Variants in PRKCQ observed in about 807,000 individuals in gnomAD.
PRKCQ encodes the protein protein kinase C theta type.
PRKCQ carries 41 observed loss-of-function variants against 91.2 expected under a neutral mutation model. The ratio of observed to expected loss-of-function variants is 0.45; its 90% CI spans 0.35 to 0.58. The LOEUF (loss-of-function observed/expected upper bound fraction) is 0.58, where lower values mean the gene tolerates loss of function less well. PRKCQ is among the 20% of genes least tolerant of loss of function. The pLI is 0.00. For missense variants in PRKCQ, 673 were observed against 896.5 expected (o/e 0.75, Z 3.18); for synonymous variants, 307 against 316.9 (o/e 0.97, Z 0.33).
Position 6,550,550 on chromosome 10 carries a change from G to A in PRKCQ, c.-10+29661C>T, listed in dbSNP as rs7101162. Among the ~76,000 whole-genome samples the A allele has an allele frequency of 4.1e-3, 622 of 152,304 alleles. 1 individual carries two copies. Among genetic ancestry groups the A allele is most frequent in the African/African-American group, 0.014 (587 of 41,566 alleles). On this transcript the variant is annotated intron_variant, in intron 1 of 17. Transcript: ENST00000263125. ...CAGCCTCCCAAAGTGCTGGGATTAT[G>A]GGCATGAACCACTGTGCCCAGCCTC...
At chr10:6,446,038 G>A (rs911857674) in intron 15 of PRKCQ, among the ~76,000 whole-genome samples, 6 of 152,200 alleles carry the variant, frequency 3.9e-5, no homozygotes, top group Non-Finnish European at 8.8e-5. Context: ...TTTTACCTTA[G>A]GAGGAAGAAG....
intron 1 of PRKCQ, chr10:6,515,414 T>G (rs1838711642): frequency 1.0e-6 from 1 of 985,330 alleles, no homozygotes; most frequent in Non-Finnish European, 1.2e-6. Context: ...TTAGTTCCAT[T>G]CAACCTAATG....
At chr10:6,454,777 G>A (rs142318925) in intron 15 of PRKCQ, among the ~76,000 whole-genome samples, 18 of 152,204 alleles carry the variant, frequency 1.2e-4, no homozygotes, top group South Asian at 8.3e-4. Flanking sequence ...ACTCTACAGC[G>A]AAGACCACAG....
intron 12 of PRKCQ, among the ~76,000 whole-genome samples, chr10:6,472,786 C>T (rs1374549290): frequency 6.6e-6 from 1 of 152,178 alleles, no homozygotes; most frequent in Non-Finnish European, 1.5e-5. Context: ...GGTCTCAGCT[C>T]ACTGCAACCT....
At chr10:6,568,757 C>T (rs1406388842) in intron 1 of PRKCQ, among the ~76,000 whole-genome samples, 3 of 152,098 alleles carry the variant, frequency 2.0e-5, no homozygotes, top group Non-Finnish European at 4.4e-5. Context: ...CTCGGCCTCC[C>T]AAAGTGCTGA....
At chr10:6,445,080 C>T (rs796156568) in intron 15 of PRKCQ, among the ~76,000 whole-genome samples, 9 of 146,464 alleles carry the variant, frequency 6.1e-5, no homozygotes, top group South Asian at 2.2e-4. Context: ...GCCAAGATCG[C>T]GCCTCTGCAC....
intron 12 of PRKCQ, among the ~76,000 whole-genome samples, chr10:6,470,889 T>C (rs1352477649): frequency 3.3e-5 from 5 of 150,604 alleles, no homozygotes; most frequent in African/African-American, 1.2e-4. Flanking sequence ...AGGTGGAGGT[T>C]GTATTGAGCC....
intron 15 of PRKCQ, among the ~76,000 whole-genome samples, chr10:6,451,492 AGAGGTACAAG>A (rs1441466026): frequency 3.3e-5 from 5 of 152,232 alleles, no homozygotes; most frequent in Admixed American, 3.3e-4. Context: ...GAATTCTACC[AGAGGTACAAG>A]GAGGAACTGG....
chr10:6,565,346 C>G (rs1840803075), intron 1 of PRKCQ, among the ~76,000 whole-genome samples: 1 of 152,148 alleles, frequency 6.6e-6, no homozygotes, highest in Admixed American at 6.5e-5. Context: ...GCTCTCTGTT[C>G]TGAGTACTTC....
At chr10:6,429,464 G>C (rs1833295969) in intron 17 of PRKCQ, among the ~76,000 whole-genome samples, 1 of 152,106 alleles carries the variant, frequency 6.6e-6, no homozygotes, top group African/African-American at 2.4e-5. Context: ...AACTATTCTT[G>C]CCCTGGGAAT....
chr10:6,447,490 A>G (rs141824114), intron 15 of PRKCQ, among the ~76,000 whole-genome samples: 314 of 152,048 alleles, frequency 2.1e-3, no homozygotes, highest in African/African-American at 7.3e-3. Flanking sequence ...CTCCAAAGAG[A>G]CATCAGCCTC....
chr10:6,403,113 G>C, the PRKCQ span, among the ~76,000 whole-genome samples: 1 of 152,180 alleles, frequency 6.6e-6, no homozygotes, highest in African/African-American at 2.4e-5. Flanking sequence ...TCAACATGCA[G>C]GGCAAGGAAG....
chr10:6,573,924 C>G (rs979465840), intron 1 of PRKCQ, among the ~76,000 whole-genome samples: 3 of 152,152 alleles, frequency 2.0e-5, no homozygotes, highest in African/African-American at 7.2e-5. Flanking sequence ...AGAGACTAGC[C>G]TGGGCAACAT....
At chr10:6,507,212 C>A (rs542949024) in intron 4 of PRKCQ, among the ~76,000 whole-genome samples, 1 of 152,220 alleles carries the variant, frequency 6.6e-6, no homozygotes, top group Non-Finnish European at 1.5e-5. Context: ...GGATTCACAT[C>A]ACTTAAAACA....
chr10:6,575,714 C>T (rs1841204090), intron 1 of PRKCQ, among the ~76,000 whole-genome samples: 1 of 152,186 alleles, frequency 6.6e-6, no homozygotes, highest in South Asian at 2.1e-4. Flanking sequence ...ACTATCAGCA[C>T]CTTACACCAA....
chr10:6,419,993 T>C, the PRKCQ span, among the ~76,000 whole-genome samples: 1 of 151,816 alleles, frequency 6.6e-6, no homozygotes, highest in South Asian at 2.1e-4. Context: ...CCAGCCGAAA[T>C]CTCCTTTTTT....
chr10:6,414,655 T>G, the PRKCQ span, among the ~76,000 whole-genome samples: 1 of 152,172 alleles, frequency 6.6e-6, no homozygotes, highest in South Asian at 2.1e-4. Context: ...CTATAATGTC[T>G]GAGATAATCA....
In PRKCQ at chr10:6,566,823, C is replaced by T. The variant is rs113378333; in HGVS notation, c.-10+13388G>A. 7.3e-3 allele frequency among the ~76,000 whole-genome samples: 1,110 copies of T among 152,134 alleles called. 17 individuals carry two copies. Among genetic ancestry groups the T allele is most frequent in the African/African-American group, 0.025 (1,047 of 41,480 alleles). ...CCCAAGGGTTTCTAGGGAGCTGGCC[C>T]GGAACACTTCTCAGTCAGATCCCCT... On this transcript the variant is annotated intron_variant, in intron 1 of 17. Coordinates refer to ENST00000263125, the MANE Select transcript of PRKCQ (RefSeq NM_006257.5).
At chr10:6,467,389 CAGAGAGAGAGAG>C (rs1160599680) in intron 12 of PRKCQ, among the ~76,000 whole-genome samples, 488 of 27,694 alleles carry the variant, frequency 0.018, 23 homozygotes, top group African/African-American at 0.026. Flanking sequence ...GAGAGACAGA[CAGAGAGAGAGAG>C]AGAGAGAGAG....
Sources: gnomAD v4.1 joint callset for allele counts (sites outside exome capture counted in the v4.1 genomes callset) on GRCh38, gnomAD v4.1.1 for gene constraint, MANE v1.5 for transcripts, NCBI Gene and HGNC (gene_info 2026-07-23, HGNC 2026-07-21) for gene names.